The following STYXL2 variants were observed in gnomAD, a reference collection of about 807,000 sequenced individuals.
The protein encoded by STYXL2 is serine/threonine/tyrosine-interacting-like protein 2.
A neutral mutation model predicts 52.4 loss-of-function variants in STYXL2; 44 were observed. The ratio of observed to expected loss-of-function variants is 0.84; its 90% CI spans 0.66 to 1.08. STYXL2 has a LOEUF of 1.08. Among genes scored for constraint, STYXL2 ranks in the 50% least tolerant of loss-of-function variants. The pLI, the probability that STYXL2 is intolerant of heterozygous loss-of-function variation, is 0.00. For synonymous variants in STYXL2, 604 were observed against 586.9 expected, an observed-to-expected ratio of 1.03 and a Z score of -0.42; for missense variants, 1,604 against 1,471.7, an observed-to-expected ratio of 1.09 and a Z score of -1.47.
intron 5 of STYXL2, among the ~76,000 whole-genome samples, chr1:167,120,311 T>C (rs963254267): frequency 5.9e-5 from 9 of 152,194 alleles, no homozygotes; most frequent in Admixed American, 5.9e-4. Flanking sequence ...TCCAGAAACC[T>C]GGGTTTGAGT....
intron 3 of STYXL2, among the ~76,000 whole-genome samples, chr1:167,115,292 T>G (rs1667701888): frequency 6.6e-6 from 1 of 152,216 alleles, no homozygotes; most frequent in Non-Finnish European, 1.5e-5. Context: ...TAAAAATGTG[T>G]GCTGAAAACC....
chr1:167,095,045 A>T, intron 2 of STYXL2, 86 bp downstream of exon 2: 1 of 921,526 alleles, frequency 1.1e-6, no homozygotes, highest in Non-Finnish European at 1.7e-6. Context: ...GGGAGCCTGC[A>T]GCCATCACCT....
chr1:167,124,596 T>C (rs1667923036), intron 5 of STYXL2, among the ~76,000 whole-genome samples: 1 of 152,132 alleles, frequency 6.6e-6, no homozygotes, highest in South Asian at 2.1e-4. Flanking sequence ...AACTGATCTG[T>C]TGAATGGTAG....
At chr1:167,119,790 G>A (rs115867683) in intron 5 of STYXL2, among the ~76,000 whole-genome samples, 2,253 of 152,284 alleles carry the variant, frequency 0.015, 44 homozygotes, top group African/African-American at 0.051. Context: ...GTGAGGCAGA[G>A]ACTAACTAGA....
chr1:167,114,412 C>T (rs550937423), intron 3 of STYXL2, among the ~76,000 whole-genome samples: 9 of 152,294 alleles, frequency 5.9e-5, no homozygotes, highest in Admixed American at 2.0e-4. Flanking sequence ...CCTTTCTTCT[C>T]CCTTCTCCCT....
intron 2 of STYXL2, among the ~76,000 whole-genome samples, chr1:167,104,216 C>A (rs1279790408): frequency 6.7e-6 from 1 of 148,864 alleles, no homozygotes; most frequent in Non-Finnish European, 1.5e-5. Flanking sequence ...TCAGTTTTCT[C>A]TTCTTTCCAA....
chr1:167,117,478 A>G lies in STYXL2; in HGVS notation c.356A>G (p.Gln119Arg), dbSNP rs749802234. 2.0e-5 allele frequency: 33 copies of G among 1,612,486 alleles called. No individual in the cohort carries two copies. Among genetic ancestry groups the G allele is most frequent in the African/African-American group, 2.7e-5 (2 of 74,906 alleles). ...AATACGCCCTGTGTCCTGGACCTAC[A>G]GCGGGCCCTGGTTCAGGATCGCCAA... ...LYNTPCVLDL[Q>R]RALVQDRQEA... The change falls in exon 4 of 6, where the codon CAG becomes CGG. Residue 119 changes from glutamine (Q) to arginine (R), a missense_variant. Gln to Arg is a conservative substitution (Grantham distance 43, BLOSUM62 1). Transcript: ENST00000361200.
rs1465047956 is a variant in STYXL2, at chr1:167,127,428, A to G, written c.2297A>G (p.Asp766Gly). 1 of 1,613,964 alleles carries G rather than the reference A, an allele frequency of 6.2e-7. No individual in the cohort carries two copies. The change falls in exon 6 of 6, where the codon GAC (aspartate) becomes GGC (glycine). Residue 766 changes from aspartate to glycine, a missense_variant. Coordinates refer to ENST00000361200, the MANE Select transcript of STYXL2 (RefSeq NM_001080426.3). Reference protein sequence around the residue: ...AVPAASCLGDDQVSMLSGHSS... With the variant: ...AVPAASCLGDGQVSMLSGHSS... ...CCAGCGGCTAGCTGCCTGGGGGATGACCAAGTCTCCATGCTTAGTGGACAC... is the reference window on the plus strand; with the variant it reads ...CCAGCGGCTAGCTGCCTGGGGGATGGCCAAGTCTCCATGCTTAGTGGACAC...
Position 167,127,881 on chromosome 1 carries a change from T to G in STYXL2, c.2750T>G (p.Val917Gly). ...ACAGACACATGCTCCTCCCTGGCTGTCTGTGATCACTATGCAAGTGGCAGC... is the reference window on the plus strand; with the variant it reads ...ACAGACACATGCTCCTCCCTGGCTGGCTGTGATCACTATGCAAGTGGCAGC... Reference protein sequence around the residue: ...PETDTCSSLAVCDHYASGSRV... With the variant: ...PETDTCSSLAGCDHYASGSRV... Residue 917 changes from valine to glycine, a missense_variant, in exon 6 of 6, where the codon GTC (valine) becomes GGC (glycine). Val to Gly is a moderately radical substitution (Grantham distance 109, BLOSUM62 -3). Coordinates refer to ENST00000361200, the MANE Select transcript of STYXL2 (RefSeq NM_001080426.3). The G allele has an allele frequency of 6.2e-7, 1 of 1,614,040 alleles. No homozygotes were observed. Among genetic ancestry groups the G allele is most frequent in the Non-Finnish European group, 8.5e-7 (1 of 1,180,012 alleles).
intron 2 of STYXL2, among the ~76,000 whole-genome samples, chr1:167,111,534 A>G (rs918993944): frequency 2.8e-5 from 4 of 145,246 alleles, no homozygotes; most frequent in African/African-American, 7.5e-5. Context: ...ACACACAAAT[A>G]TATATATATA....
At chr1:167,105,751 C>G (rs537745848) in intron 2 of STYXL2, among the ~76,000 whole-genome samples, 99 of 152,278 alleles carry the variant, frequency 6.5e-4, no homozygotes, top group African/African-American at 2.3e-3. Context: ...GTTTACATCT[C>G]CCCCTCATGG....
At chr1:167,119,540 C>A in intron 5 of STYXL2, 74 bp downstream of exon 5, 1 of 1,364,200 alleles carries the variant, frequency 7.3e-7, no homozygotes, top group East Asian at 2.4e-5. Flanking sequence ...TTATGAAAAC[C>A]TGATTAGTTG....
chr1:167,120,894 A>G (rs1385372856), intron 5 of STYXL2, among the ~76,000 whole-genome samples: 8 of 112,874 alleles, frequency 7.1e-5, no homozygotes, highest in African/African-American at 2.5e-4. Context: ...ATACAGAGAG[A>G]GAGAGAGGTA....
chr1:167,108,129 GTA>G (rs1170607063), intron 2 of STYXL2, among the ~76,000 whole-genome samples: 2 of 152,164 alleles, frequency 1.3e-5, no homozygotes. Context: ...CCCCTAGGTT[GTA>G]TGTGGACACC....
intron 3 of STYXL2, among the ~76,000 whole-genome samples, chr1:167,115,824 G>C (rs1355471581): frequency 2.6e-5 from 4 of 152,126 alleles, no homozygotes; most frequent in South Asian, 2.1e-4. Flanking sequence ...TTAGAGCTGA[G>C]CCCTGATGCA....
chr1:167,126,525 G>A lies in STYXL2; in HGVS notation c.1394G>A (p.Arg465Lys). The stretch of plus-strand genomic sequence containing the variant: ...CTGAACCGCCCGGACCACGGCAGGA[G>A]GCGCCGCGCAGACTCGATGTCCTCG... ...LELNRPDHGR[R>K]RRADSMSSES... Residue 465 changes from arginine (R) to lysine (K), a missense_variant, in exon 6 of 6, where the codon AGG (arginine) becomes AAG (lysine). Arg to Lys is a conservative substitution (Grantham distance 26). Coordinates refer to ENST00000361200, the MANE Select transcript of STYXL2 (RefSeq NM_001080426.3). The A allele has an allele frequency of 1.2e-6, 2 of 1,613,234 alleles. No homozygotes were observed. The highest frequency in any genetic ancestry group is 2.2e-5 in the East Asian group (1 of 44,804).
In STYXL2 at chr1:167,128,749, C is replaced by A; in HGVS notation, c.*141C>A. Reference sequence around the variant, plus strand: ...CAGAGCCAAAATGAGAGGTACCAAGCATAAGGGCAGCAGAGGTGGAGTAGG... The same window carrying A: ...CAGAGCCAAAATGAGAGGTACCAAGAATAAGGGCAGCAGAGGTGGAGTAGG... On this transcript the variant is annotated 3_prime_UTR_variant, in exon 6 of 6. Coordinates refer to ENST00000361200, the MANE Select transcript of STYXL2 (RefSeq NM_001080426.3). 2 of 1,364,932 alleles carry A rather than the reference C, an allele frequency of 1.5e-6. No individual in the cohort carries two copies. The highest frequency in any genetic ancestry group is 9.6e-7 in the Non-Finnish European group (1 of 1,037,568). 84.6% of individuals were successfully genotyped at this position (1,364,932 alleles called of 1,614,324 possible).
chr1:167,112,308 C>T (rs993762901), intron 2 of STYXL2, among the ~76,000 whole-genome samples: 1 of 152,122 alleles, frequency 6.6e-6, no homozygotes, highest in Admixed American at 6.5e-5. Flanking sequence ...TTTCTCCTGG[C>T]AAGAGCACTG....
At chr1:167,107,742 T>G (rs1667533198) in intron 2 of STYXL2, among the ~76,000 whole-genome samples, 1 of 152,214 alleles carries the variant, frequency 6.6e-6, no homozygotes, top group Non-Finnish European at 1.5e-5. Context: ...CCAGTCATGG[T>G]CCTTGCCTTC....
Sources: allele counts gnomAD v4.1 joint callset (sites outside exome capture counted in the v4.1 genomes callset), GRCh38; gene constraint gnomAD v4.1.1; transcripts MANE v1.5; gene names NCBI Gene and HGNC (gene_info 2026-07-23, HGNC 2026-07-21).